Variants in NR6A1 observed in about 807,000 individuals in gnomAD.
The protein encoded by NR6A1 is retinoic acid receptor-related testis-associated receptor.
NR6A1 carries 7 observed loss-of-function variants against 59.1 expected under a neutral mutation model. The observed-to-expected ratio is 0.12, with a 90% CI of 0.07 to 0.22. The LOEUF (loss-of-function observed/expected upper bound fraction) is 0.22. NR6A1 is among the 10% of genes least tolerant of loss of function. NR6A1 has a pLI of 1.00. For synonymous variants in NR6A1, 243 were observed against 236.1 expected, an observed-to-expected ratio of 1.03 and a Z score of -0.27; for missense variants, 468 against 611.6, an observed-to-expected ratio of 0.77 and a Z score of 2.48.
intron 3 of NR6A1, among the ~76,000 whole-genome samples, chr9:124,551,326 C>T (rs1366202865): frequency 1.3e-5 from 2 of 152,202 alleles, no homozygotes; most frequent in Admixed American, 1.3e-4. Context: ...CTATCTGAAA[C>T]ACGAATACAT....
At chr9:124,660,800 T>G (rs182931952) in intron 2 of NR6A1, among the ~76,000 whole-genome samples, 1 of 152,288 alleles carries the variant, frequency 6.6e-6, no homozygotes, top group African/African-American at 2.4e-5. Flanking sequence ...TACAGGGAAC[T>G]TCATTCAATG....
chr9:124,729,168 G>A (rs1174731217), intron 2 of NR6A1, among the ~76,000 whole-genome samples: 1 of 152,120 alleles, frequency 6.6e-6, no homozygotes, highest in Non-Finnish European at 1.5e-5. Flanking sequence ...AAGTTGGGAA[G>A]ATATATTGAT....
intron 2 of NR6A1, among the ~76,000 whole-genome samples, chr9:124,715,666 A>T (rs1411504463): frequency 6.6e-6 from 1 of 152,196 alleles, no homozygotes; most frequent in Non-Finnish European, 1.5e-5. Flanking sequence ...AAAAGAAAAA[A>T]GAAAGTTGAT....
intron 5 of NR6A1, 80 bp downstream of exon 5, chr9:124,539,953 A>G: frequency 6.9e-7 from 1 of 1,442,306 alleles, no homozygotes; most frequent in Non-Finnish European, 9.2e-7. Flanking sequence ...TGGCAGGGAT[A>G]CTCAGCCAGA....
At chr9:124,546,019 G>T (rs1250361672) in intron 3 of NR6A1, among the ~76,000 whole-genome samples, 1 of 152,214 alleles carries the variant, frequency 6.6e-6, no homozygotes, top group Non-Finnish European at 1.5e-5. Flanking sequence ...GGAGGCTGAG[G>T]CAGGAGAATT....
chr9:124,538,916 A>C (rs1390732173), intron 5 of NR6A1, among the ~76,000 whole-genome samples: 1 of 152,056 alleles, frequency 6.6e-6, no homozygotes, highest in African/African-American at 2.4e-5. Flanking sequence ...AAAAAAAAAA[A>C]AAAAACCTAA....
chr9:124,720,679 C>T (rs1839536864), intron 2 of NR6A1, among the ~76,000 whole-genome samples: 1 of 152,054 alleles, frequency 6.6e-6, no homozygotes, highest in African/African-American at 2.4e-5. Context: ...GGTAAAGAGG[C>T]AAAGAGTGGT....
intron 2 of NR6A1, among the ~76,000 whole-genome samples, chr9:124,662,974 A>C (rs1310073716): frequency 1.3e-5 from 2 of 152,262 alleles, no homozygotes; most frequent in African/African-American, 4.8e-5. Context: ...TATATTAGAA[A>C]TACAATGATA....
intron 2 of NR6A1, among the ~76,000 whole-genome samples, chr9:124,624,847 T>C (rs1836186958): frequency 6.6e-6 from 1 of 151,906 alleles, no homozygotes; most frequent in Non-Finnish European, 1.5e-5. Flanking sequence ...GCCTTGAACA[T>C]GGCAGCACAA....
intron 2 of NR6A1, chr9:124,658,767 T>TA (rs1036885995): frequency 1.3e-5 from 2 of 152,136 alleles, no homozygotes; most frequent in African/African-American, 4.8e-5. Flanking sequence ...TTTTTTTTTT[T>TA]AACTAAAAGC....
chr9:124,602,792 G>T (rs1835481667), intron 2 of NR6A1, among the ~76,000 whole-genome samples: 1 of 152,154 alleles, frequency 6.6e-6, no homozygotes, highest in Non-Finnish European at 1.5e-5. Context: ...TGGTTCCCAG[G>T]AACCTATGGT....
intron 1 of NR6A1, among the ~76,000 whole-genome samples, chr9:124,735,342 A>G (rs1247200506): frequency 6.6e-6 from 1 of 152,258 alleles, no homozygotes; most frequent in Non-Finnish European, 1.5e-5. Flanking sequence ...ATAAAGGAAT[A>G]GTTTAAATAC....
chr9:124,603,656 A>AC (rs1835507022), intron 2 of NR6A1, among the ~76,000 whole-genome samples: 1 of 152,188 alleles, frequency 6.6e-6, no homozygotes, highest in Admixed American at 6.5e-5. Context: ...GAAATATGAG[A>AC]CCAAGGACTG....
intron 2 of NR6A1, chr9:124,658,506 GT>G (rs1837328557): frequency 6.6e-6 from 1 of 151,326 alleles, no homozygotes; most frequent in African/African-American, 2.4e-5. Flanking sequence ...TTTTTTTTTT[GT>G]TTTAACTGAC....
chr9:124,556,169 A>G (rs1217263869), intron 2 of NR6A1, among the ~76,000 whole-genome samples: 1 of 152,244 alleles, frequency 6.6e-6, no homozygotes, highest in Non-Finnish European at 1.5e-5. Context: ...TGATTGAATT[A>G]AGAATCTTGC....
At chr9:124,711,659 A>G (rs140812870) in intron 2 of NR6A1, among the ~76,000 whole-genome samples, 97 of 152,248 alleles carry the variant, frequency 6.4e-4, no homozygotes, top group African/African-American at 2.3e-3. Flanking sequence ...GGTCTACTCT[A>G]TTACTTTAAC....
chr9:124,710,805 TG>T (rs1001373196), intron 2 of NR6A1, among the ~76,000 whole-genome samples: 1 of 152,212 alleles, frequency 6.6e-6, no homozygotes, highest in East Asian at 1.9e-4. Flanking sequence ...TAAGATCAGC[TG>T]GAAATCTTAC....
chr9:124,660,425 A>G (rs965489478), intron 2 of NR6A1, among the ~76,000 whole-genome samples: 5 of 152,194 alleles, frequency 3.3e-5, no homozygotes, highest in Non-Finnish European at 7.3e-5. Context: ...CGTTATTCAC[A>G]TGACGATTCG....
At chr9:124,538,345 C>G (rs1564169759) in intron 5 of NR6A1, 26 bp from the exon 6 acceptor site, 1 of 1,576,410 alleles carries the variant, frequency 6.3e-7, no homozygotes, top group South Asian at 1.1e-5. Flanking sequence ...TTGCGTCAAA[C>G]AGAGCCATGG....
Sources: gnomAD v4.1 joint callset for allele counts (sites outside exome capture counted in the v4.1 genomes callset) on GRCh38, gnomAD v4.1.1 for gene constraint, MANE v1.5 for transcripts, NCBI Gene and HGNC (gene_info 2026-07-23, HGNC 2026-07-21) for gene names.